Variants in TRIP11 observed in about 807,000 individuals in gnomAD.
TRIP11 encodes thyroid receptor-interacting protein 11.
A neutral mutation model predicts 223.1 loss-of-function variants in TRIP11; 148 were observed. That is an observed-to-expected ratio of 0.66 (90% CI 0.58 to 0.76). TRIP11 has a LOEUF of 0.76. TRIP11 is among the 30% of genes least tolerant of loss of function. The probability of loss-of-function intolerance (pLI) is 0.00; values close to 1 mark genes in which losing one functional copy is unlikely to be tolerated. For missense variants in TRIP11, 2,043 were observed against 2,222.0 expected, an observed-to-expected ratio of 0.92 and a Z score of 1.62; for synonymous variants, 762 against 772.6, an observed-to-expected ratio of 0.99 and a Z score of 0.23.
intron 7 of TRIP11, among the ~76,000 whole-genome samples, chr14:92,013,615 A>T (rs527409588): frequency 3.3e-5 from 5 of 152,368 alleles, no homozygotes; most frequent in South Asian, 2.1e-4. Flanking sequence ...GGACTAAGGC[A>T]GTGGGTTTGT....
chr14:91,974,806 C>T (rs937296053), intron 18 of TRIP11, 63 bp from the exon 19 acceptor site: 2 of 1,228,130 alleles, frequency 1.6e-6, no homozygotes, highest in South Asian at 2.7e-5. Flanking sequence ...AAACAAGGAC[C>T]ACTTTTATAT....
rs543395279 is a variant in TRIP11 at position 91,990,991 on chromosome 14, T to C, written c.5161-2608A>G. Among the ~76,000 whole-genome samples the C allele has an allele frequency of 7.9e-5, 12 of 152,340 alleles. No homozygotes were observed. In the East Asian group the frequency reaches 1.5e-3, roughly 20 times the overall value. On this transcript the variant is annotated intron_variant, in intron 15 of 20. Coordinates refer to ENST00000267622, the MANE Select transcript of TRIP11 (RefSeq NM_004239.4). ...CATATTAAAAGATGCTTGACCTCAC[T>C]GGTAATTAGGGAAGTGCAAATTAAA...
Position 91,966,846 on chromosome 14 carries a change from G to A in TRIP11, c.*2827C>T, listed in dbSNP as rs2056346051. 1 of 219,050 alleles carries A rather than the reference G, an allele frequency of 4.6e-6. No individual in the cohort carries two copies. The highest frequency in any genetic ancestry group is 9.2e-6 in the Non-Finnish European group (1 of 109,274). The allele number at this position is 219,050 out of a possible 1,614,324, so 13.6% of individuals were successfully genotyped here. ...GGTAAAAAACTATGGCAGCGAAGGT[G>A]GAATTCAACCACAAATTCTACTGAG... On this transcript the variant is annotated 3_prime_UTR_variant, in exon 21 of 21. Coordinates refer to ENST00000267622, the MANE Select transcript of TRIP11 (RefSeq NM_004239.4).
At chr14:92,026,893 A>C (rs2057195471) in intron 2 of TRIP11, 2 of 1,496,640 alleles carry the variant, frequency 1.3e-6, no homozygotes, top group Non-Finnish European at 1.8e-6. Flanking sequence ...ACTAGACAGC[A>C]AAAAAGGAAA....
Position 92,039,822 on chromosome 14 carries a change from C to T in TRIP11, c.-137G>A, listed in dbSNP as rs1165970655. The T allele has an allele frequency of 4.6e-6, 7 of 1,532,228 alleles. No individual in the cohort carries two copies. The highest frequency in any genetic ancestry group is 6.2e-6 in the Non-Finnish European group (7 of 1,134,844). The allele number at this position is 1,532,228 out of a possible 1,614,324, so 94.9% of individuals were successfully genotyped here. On this transcript the variant is annotated 5_prime_UTR_variant, in exon 1 of 21. Coordinates refer to ENST00000267622, the MANE Select transcript of TRIP11 (RefSeq NM_004239.4). ...GATAACACAAAGCTGGGTTCTCAGG[C>T]AAGGCCGACTCCAGGTTCTGCCTAG...
chr14:92,008,228 G>A (rs959276185), intron 9 of TRIP11, among the ~76,000 whole-genome samples: 2 of 152,094 alleles, frequency 1.3e-5, no homozygotes, highest in Non-Finnish European at 2.9e-5. Context: ...TTTCCAAAAT[G>A]TCCGCAAGTC....
intron 12 of TRIP11, 117 bp from the exon 13 acceptor site, chr14:91,999,550 A>G: frequency 9.3e-7 from 1 of 1,075,806 alleles, no homozygotes; most frequent in South Asian, 1.4e-5. Context: ...CCAATTTCTC[A>G]TACTGCAAAA....
At chr14:92,000,555 C>T (rs2140111772) in intron 11 of TRIP11, among the ~76,000 whole-genome samples, 1 of 152,222 alleles carries the variant, frequency 6.6e-6, no homozygotes, top group East Asian at 1.9e-4. Context: ...CCTATCTTTG[C>T]AAATTTTCTA....
At chr14:92,009,661 A>G (rs61988390) in intron 9 of TRIP11, among the ~76,000 whole-genome samples, 44,153 of 152,062 alleles carry the variant, frequency 0.29, 6,641 homozygotes, top group Middle Eastern at 0.34. Flanking sequence ...AGAATCCCAC[A>G]ATACACAGTG....
chr14:92,002,974 CAT>C (rs1445453270), intron 11 of TRIP11, among the ~76,000 whole-genome samples: 9 of 151,896 alleles, frequency 5.9e-5, no homozygotes, highest in Admixed American at 5.2e-4. Flanking sequence ...CACACACATA[CAT>C]ACTCTTACTG....
At chr14:91,992,475 T>A (rs2056686665) in intron 15 of TRIP11, among the ~76,000 whole-genome samples, 1 of 152,202 alleles carries the variant, frequency 6.6e-6, no homozygotes, top group African/African-American at 2.4e-5. Context: ...TAATACTTAA[T>A]TAAAATGTTA....
chr14:91,995,601 C>A, intron 13 of TRIP11, 86 bp from the exon 14 acceptor site: 10 of 1,304,198 alleles, frequency 7.7e-6, no homozygotes, highest in Non-Finnish European at 1.1e-5. Context: ...CATCTTATTA[C>A]TTTATTTTAT....
chr14:92,019,609 A>C (rs1294402219), intron 4 of TRIP11, among the ~76,000 whole-genome samples: 2 of 152,216 alleles, frequency 1.3e-5, no homozygotes, highest in East Asian at 3.8e-4. Context: ...TTACTCATGT[A>C]ATTTTTTTTT....
intron 4 of TRIP11, among the ~76,000 whole-genome samples, chr14:92,018,033 C>G (rs1298703590): frequency 6.6e-6 from 1 of 151,318 alleles, no homozygotes; most frequent in African/African-American, 2.4e-5. Context: ...TTTTACTTAG[C>G]TTGACAAAAT....
In TRIP11 at chr14:91,999,402, G is replaced by T; in HGVS notation, c.4730C>A (p.Ser1577Ter). ...ACGCAATCTCTCTAGCTCTTGGTTT[G>T]AACGAAATTCTTTGTCACGTAAACG... ...VQRLRDKEFR[S>*]NQELERLRNH... Residue 1577 changes from serine (S) to a stop codon, truncating the protein, a stop_gained, in exon 13 of 21, where the codon TCA (serine) becomes TAA (stop). Coordinates refer to ENST00000267622, the MANE Select transcript of TRIP11 (RefSeq NM_004239.4). LOFTEE classifies it high-confidence loss of function. 1 of 1,613,754 alleles carries T rather than the reference G, an allele frequency of 6.2e-7. No homozygotes were observed. Among genetic ancestry groups the T allele is most frequent in the South Asian group, 1.1e-5 (1 of 91,052 alleles).
intron 2 of TRIP11, among the ~76,000 whole-genome samples, chr14:92,026,264 A>G (rs1300247479): frequency 6.6e-6 from 1 of 152,254 alleles, no homozygotes; most frequent in African/African-American, 2.4e-5. Flanking sequence ...AAAGTACACA[A>G]AATAGCCTAA....
At chr14:91,977,060 A>C (rs924944195) in intron 16 of TRIP11, 1 of 251,446 alleles carries the variant, frequency 4.0e-6, no homozygotes, top group African/African-American at 2.3e-5. Context: ...TTTTGTTCTG[A>C]AAGAAATAAA....
In TRIP11 at chr14:92,005,852, GTTT is replaced by G; in HGVS notation, c.2121_2123del (p.Lys707del). On this transcript the variant is annotated inframe_deletion, in exon 11 of 21. Transcript: ENST00000267622. Reference sequence around the variant, plus strand: ...CCATTTTTAGAGTCTCCACAATAGTGTTTTTTTCCAGAGAAAGCTGATTGTTAC... The same window carrying G: ...CCATTTTTAGAGTCTCCACAATAGTGTTTTCCAGAGAAAGCTGATTGTTAC... The G allele has an allele frequency of 6.2e-7, 1 of 1,613,896 alleles. No homozygotes were observed. The highest frequency in any genetic ancestry group is 8.5e-7 in the Non-Finnish European group (1 of 1,179,968).
At chr14:91,988,554 T>C (rs1020161777) in intron 15 of TRIP11, among the ~76,000 whole-genome samples, 171 bp from the exon 16 acceptor site, 3 of 151,598 alleles carry the variant, frequency 2.0e-5, no homozygotes, top group Admixed American at 2.0e-4. Flanking sequence ...CCCACATTCT[T>C]TTCAATACAA....
Sources: allele counts gnomAD v4.1 joint callset (sites outside exome capture counted in the v4.1 genomes callset), GRCh38; gene constraint gnomAD v4.1.1; transcripts MANE v1.5; gene names NCBI Gene and HGNC (gene_info 2026-07-23, HGNC 2026-07-21).